The following ARMH3 variants were observed in gnomAD, a reference collection of about 807,000 sequenced individuals.
ARMH3 encodes the protein armadillo like helical domain containing 3, also known as armadillo-like helical domain-containing protein 3.
Under a neutral mutation model 99.1 loss-of-function variants are expected in ARMH3, and 60 were observed. That is an observed-to-expected ratio of 0.61 (90% CI 0.49 to 0.75). The LOEUF (loss-of-function observed/expected upper bound fraction) is 0.75, where lower values mean the gene tolerates loss of function less well. Among genes scored for constraint, ARMH3 ranks in the 30% least tolerant of loss-of-function variants. The probability of loss-of-function intolerance (pLI) is 0.00; values close to 1 mark genes in which losing one functional copy is unlikely to be tolerated. For synonymous variants in ARMH3, 285 were observed against 292.8 expected, an observed-to-expected ratio of 0.97 and a Z score of 0.27; for missense variants, 679 against 843.1, an observed-to-expected ratio of 0.81 and a Z score of 2.41.
intron 5 of ARMH3, chr10:102,029,403 A>C: frequency 2.7e-6 from 4 of 1,470,038 alleles, no homozygotes; most frequent in Non-Finnish European, 2.7e-6. Context: ...AATAAAATAA[A>C]CTATTCTGTC....
In ARMH3 at chr10:101,866,838, A is replaced by G. The variant is rs908846290; in HGVS notation, c.1861-16946T>C. On this transcript the variant is annotated intron_variant, in intron 24 of 25. Transcript: ENST00000370033. ...CAGCCTCTGCCAACCAAGAGGCAAC[A>G]GATGAATTTCTAGACACTATTAAGA... 3.3e-5 allele frequency among the ~76,000 whole-genome samples: 5 copies of G among 152,250 alleles called. No individual in the cohort carries two copies. The East Asian group carries it at 7.7e-4, about 23-fold the overall frequency.
intron 1 of ARMH3, among the ~76,000 whole-genome samples, 196 bp downstream of exon 1, chr10:102,055,889 C>T (rs1418652664): frequency 6.6e-6 from 1 of 152,218 alleles, no homozygotes; most frequent in African/African-American, 2.4e-5. Context: ...GGCTCGGCCG[C>T]CCCCAGGCCC....
At chr10:101,890,346 C>T (rs894406031) in intron 23 of ARMH3, among the ~76,000 whole-genome samples, 1 of 152,028 alleles carries the variant, frequency 6.6e-6, no homozygotes, top group Non-Finnish European at 1.5e-5. Flanking sequence ...CAGGCTCAAG[C>T]GATCCTCCCA....
intron 1 of ARMH3, among the ~76,000 whole-genome samples, chr10:102,045,972 G>A (rs1456687031): frequency 6.6e-6 from 1 of 151,966 alleles, no homozygotes; most frequent in Middle Eastern, 3.2e-3. Context: ...GCGCATTCCT[G>A]TAATCCCAGC....
chr10:101,922,963 G>A (rs1475517857), intron 23 of ARMH3, among the ~76,000 whole-genome samples: 1 of 152,108 alleles, frequency 6.6e-6, no homozygotes, highest in Non-Finnish European at 1.5e-5. Flanking sequence ...ACACTGGGTA[G>A]TGAAAATGCA....
chr10:102,006,388 T>C (rs2066488054), intron 14 of ARMH3, 152 bp downstream of exon 14: 1 of 708,054 alleles, frequency 1.4e-6, no homozygotes, highest in African/African-American at 1.8e-5. Flanking sequence ...AAGTTTTCTT[T>C]GGAAATTTAG....
intron 23 of ARMH3, among the ~76,000 whole-genome samples, chr10:101,914,817 G>C (rs1479291893): frequency 8.6e-6 from 1 of 116,898 alleles, no homozygotes; most frequent in Admixed American, 1.3e-4. Flanking sequence ...AGTGAGCCAA[G>C]ATCACAGCTA....
intron 23 of ARMH3, among the ~76,000 whole-genome samples, chr10:101,908,018 C>T (rs553867483): frequency 1.3e-5 from 2 of 152,232 alleles, no homozygotes; most frequent in East Asian, 1.9e-4. Flanking sequence ...CCTCTAGACC[C>T]GTCCTGTAGC....
At chr10:101,928,845 C>T (rs1843612559) in intron 23 of ARMH3, among the ~76,000 whole-genome samples, 1 of 152,176 alleles carries the variant, frequency 6.6e-6, no homozygotes, top group Non-Finnish European at 1.5e-5. Flanking sequence ...ATTCTCCTGC[C>T]TCAGCCTCCC....
At chr10:101,966,828 AG>A (rs1294057187) in intron 20 of ARMH3, among the ~76,000 whole-genome samples, 1 of 152,230 alleles carries the variant, frequency 6.6e-6, no homozygotes, top group Admixed American at 6.5e-5. Context: ...CCCCACATTA[AG>A]GTAAACCAGG....
At chr10:101,923,589 G>A (rs1196096573) in intron 23 of ARMH3, among the ~76,000 whole-genome samples, 2 of 152,152 alleles carry the variant, frequency 1.3e-5, no homozygotes, top group African/African-American at 4.8e-5. Flanking sequence ...AGAGAAAACA[G>A]TGAAGAGCAT....
intron 23 of ARMH3, among the ~76,000 whole-genome samples, chr10:101,918,024 A>T (rs976891844): frequency 1.4e-4 from 21 of 152,132 alleles, no homozygotes; most frequent in African/African-American, 4.1e-4. Context: ...AAGAATCTCC[A>T]GTATATCATG....
At chr10:102,031,115 AAC>A (rs1213409343) in intron 4 of ARMH3, among the ~76,000 whole-genome samples, 8 of 152,202 alleles carry the variant, frequency 5.3e-5, no homozygotes, top group Non-Finnish European at 8.8e-5. Flanking sequence ...TAATAACTAT[AAC>A]AGTTAAGTCC....
chr10:102,051,039 A>G (rs2067689652), intron 1 of ARMH3, among the ~76,000 whole-genome samples: 1 of 151,824 alleles, frequency 6.6e-6, no homozygotes, highest in African/African-American at 2.4e-5. Flanking sequence ...CTGTAATCCC[A>G]GCTATTCAAG....
At chr10:102,012,982 T>C in intron 9 of ARMH3, 106 bp from the exon 10 acceptor site, 1 of 943,856 alleles carries the variant, frequency 1.1e-6, no homozygotes, top group Non-Finnish European at 1.5e-6. Flanking sequence ...CAAGAAGTCC[T>C]GCCTGAAAGT....
chr10:101,955,169 G>A (rs1263265452), intron 22 of ARMH3, among the ~76,000 whole-genome samples: 2 of 152,154 alleles, frequency 1.3e-5, no homozygotes, highest in African/African-American at 4.8e-5. Context: ...GAGTTCTTAT[G>A]TAAGGCTGCC....
At chr10:101,903,140 ACT>A (rs2068020847) in intron 23 of ARMH3, among the ~76,000 whole-genome samples, 1 of 152,248 alleles carries the variant, frequency 6.6e-6, no homozygotes, top group African/African-American at 2.4e-5. Context: ...TGCTATAAGC[ACT>A]GTTTTAGAAA....
At chr10:101,946,681 G>A (rs970668575) in intron 22 of ARMH3, among the ~76,000 whole-genome samples, 2 of 152,078 alleles carry the variant, frequency 1.3e-5, no homozygotes, top group Admixed American at 1.3e-4. Flanking sequence ...ATATGGAAAA[G>A]TCTAATCTTT....
chr10:101,959,162 C>CA (rs1845172347), intron 20 of ARMH3, among the ~76,000 whole-genome samples: 1 of 152,124 alleles, frequency 6.6e-6, no homozygotes, highest in Non-Finnish European at 1.5e-5. Flanking sequence ...ACTGGGGGGA[C>CA]AAAAAGGCTC....
Sources: gnomAD v4.1 joint callset for allele counts (sites outside exome capture counted in the v4.1 genomes callset) on GRCh38, gnomAD v4.1.1 for gene constraint, MANE v1.5 for transcripts, NCBI Gene and HGNC (gene_info 2026-07-23, HGNC 2026-07-21) for gene names.